The following RAD54B variants were observed in gnomAD, a reference collection of about 807,000 sequenced individuals.
RAD54B encodes RAD54 homolog B.
In RAD54B, 78 loss-of-function variants were observed where a neutral mutation model predicts 95.8. That is an observed-to-expected ratio of 0.81 (90% CI 0.68 to 0.98). The LOEUF is 0.98. Ranked by LOEUF, RAD54B falls within the 50% of genes least tolerant of loss-of-function variation. The probability of loss-of-function intolerance (pLI) is 0.00; values close to 1 mark genes in which losing one functional copy is unlikely to be tolerated. For missense variants in RAD54B, 957 were observed against 1,056.6 expected (o/e 0.91, Z 1.31); for synonymous variants, 328 against 354.9 (o/e 0.92, Z 0.85).
At chr8:94,433,209 T>C (rs544089222) in intron 3 of RAD54B, among the ~76,000 whole-genome samples, 1 of 152,262 alleles carries the variant, frequency 6.6e-6, no homozygotes, top group African/African-American at 2.4e-5. Context: ...CTTTGGGATA[T>C]GCTCAACTAC....
intron 3 of RAD54B, among the ~76,000 whole-genome samples, chr8:94,435,664 T>C (rs1389921447): frequency 6.6e-6 from 1 of 152,064 alleles, no homozygotes; most frequent in Non-Finnish European, 1.5e-5. Flanking sequence ...CCAAGGCAAA[T>C]AGTTACATAG....
intron 1 of RAD54B, among the ~76,000 whole-genome samples, chr8:94,469,280 G>A (rs937334489): frequency 6.6e-6 from 1 of 152,114 alleles, no homozygotes; most frequent in African/African-American, 2.4e-5. Context: ...CAAGGGCAGG[G>A]CCTATTCTCG....
intron 3 of RAD54B, 64 bp downstream of exon 3, chr8:94,458,204 C>A (rs1812819998): frequency 7.4e-7 from 1 of 1,358,906 alleles, no homozygotes; most frequent in Non-Finnish European, 9.9e-7. Flanking sequence ...CTTAAAACAT[C>A]ATTTAAAGAA....
In RAD54B at chr8:94,425,830, C is replaced by A. The variant is rs912039344; in HGVS notation, c.305-14515G>T. On this transcript the variant is annotated intron_variant, in intron 3 of 14. Transcript: ENST00000336148. Reference sequence around the variant, plus strand: ...AGTACTAAAATGAAAAAAAAAAAAACCAGTAAACTACAATATTCCCAGATA... The same window carrying A: ...AGTACTAAAATGAAAAAAAAAAAAAACAGTAAACTACAATATTCCCAGATA... Among the ~76,000 whole-genome samples, 21 of 146,178 alleles carry A rather than the reference C, an allele frequency of 1.4e-4. No homozygotes were observed. The South Asian group carries it at 3.5e-3, about 24-fold the overall frequency.
intron 11 of RAD54B, among the ~76,000 whole-genome samples, chr8:94,386,005 G>A (rs1422295195): frequency 6.6e-6 from 1 of 152,132 alleles, no homozygotes; most frequent in African/African-American, 2.4e-5. Flanking sequence ...ACAAGTGGGA[G>A]TCTTCAAATG....
In RAD54B at chr8:94,407,502, AACT is replaced by A. The variant is rs753327323; in HGVS notation, c.715_717del (p.Ser240del). On this transcript the variant is annotated inframe_deletion, in exon 5 of 15. Transcript: ENST00000336148. ...AAATCATTCTGTCTATTTTCCTTTG[AACT>A]TGGTTTACAAACACTTTTGAAAGGG... 7.6e-4 allele frequency: 1,227 copies of A among 1,613,772 alleles called. No individual in the cohort carries two copies. The highest frequency in any genetic ancestry group is 1.0e-3 in the Non-Finnish European group (1,190 of 1,179,864).
chr8:94,404,355 C>A, intron 5 of RAD54B, 116 bp from the exon 6 acceptor site: 1 of 1,013,944 alleles, frequency 9.9e-7, no homozygotes, highest in African/African-American at 1.7e-5. Context: ...CCAAAAAAGT[C>A]CAAAATTTAG....
chr8:94,391,899 C>T lies in RAD54B; in HGVS notation c.1519G>A (p.Glu507Lys). The T allele has an allele frequency of 6.3e-7, 1 of 1,592,596 alleles. No homozygotes were observed. Among genetic ancestry groups the T allele is most frequent in the South Asian group, 1.2e-5 (1 of 86,302 alleles). Reference sequence around the variant, plus strand: ...CTTCTTTCTCCTAACTCCTTTTCTTCCTATGGAAAAATAGCAGACTTAAAT... The same window carrying T: ...CTTCTTTCTCCTAACTCCTTTTCTTTCTATGGAAAAATAGCAGACTTAAAT... Reference protein sequence around the residue: ...ILSREPSASEEEKELGERRAA... With the variant: ...ILSREPSASEKEKELGERRAA... The change falls in exon 10 of 15, where the codon GAA becomes AAA. Residue 507 changes from glutamate (E) to lysine (K), a missense_variant and splice_region_variant. Coordinates refer to ENST00000336148, the MANE Select transcript of RAD54B (RefSeq NM_012415.3).
rs543138628 is a variant in RAD54B at position 94,425,004 on chromosome 8, G to C, written c.305-13689C>G. On this transcript the variant is annotated intron_variant, in intron 3 of 14. Coordinates refer to ENST00000336148, the MANE Select transcript of RAD54B (RefSeq NM_012415.3). ...TTGAGCCCAGGAGGTTGAGGCTCCAGTGAGCTGTGACTGTGCCACTGTACT... is the reference window on the plus strand; with the variant it reads ...TTGAGCCCAGGAGGTTGAGGCTCCACTGAGCTGTGACTGTGCCACTGTACT... Among the ~76,000 whole-genome samples, 12 of 144,638 alleles carry C rather than the reference G, an allele frequency of 8.3e-5. No homozygotes were observed. In the East Asian group the frequency reaches 2.5e-3, roughly 30 times the overall value. 94.9% of individuals were successfully genotyped at this position (144,638 alleles called of 152,430 possible). A position where few individuals can be genotyped will look rare whatever the true frequency, so the allele number is the denominator to read the frequency against.
At chr8:94,460,690 T>C (rs898334830) in intron 2 of RAD54B, among the ~76,000 whole-genome samples, 1 of 152,222 alleles carries the variant, frequency 6.6e-6, no homozygotes, top group African/African-American at 2.4e-5. Context: ...TAGGTCTTAC[T>C]GCATTAAAAT....
At chr8:94,398,105 C>T (rs1211458065) in intron 8 of RAD54B, among the ~76,000 whole-genome samples, 1 of 152,018 alleles carries the variant, frequency 6.6e-6, no homozygotes, top group East Asian at 1.9e-4. Context: ...TTTTCCTATT[C>T]TTTGGTTTCC....
intron 14 of RAD54B, 22 bp downstream of exon 14, chr8:94,378,158 A>G (rs1810643184): frequency 6.5e-7 from 1 of 1,530,504 alleles, no homozygotes; most frequent in African/African-American, 1.4e-5. Context: ...CTACATAGTA[A>G]CAGAATTAAA....
rs893841317 is a variant in RAD54B, at chr8:94,428,017, G to A, written c.305-16702C>T. The A allele has an allele frequency of 1.9e-5, 18 of 932,868 alleles. No individual in the cohort carries two copies. The African/African-American group carries it at 2.3e-4, about 12-fold the overall frequency. 57.8% of individuals were successfully genotyped at this position (932,868 alleles called of 1,614,324 possible). On this transcript the variant is annotated intron_variant, in intron 3 of 14. Transcript: ENST00000336148. The stretch of plus-strand genomic sequence containing the variant: ...GACTATTTTAAGAAATCTGGTATTC[G>A]TTAGAAATGAGTTTCACTGACTTTT...
chr8:94,412,742 A>C (rs1338018265), intron 3 of RAD54B, among the ~76,000 whole-genome samples: 2 of 152,198 alleles, frequency 1.3e-5, no homozygotes. Flanking sequence ...ATAAGGCAAC[A>C]AAAGCATATA....
chr8:94,459,310 A>G (rs1812847198), intron 2 of RAD54B, among the ~76,000 whole-genome samples: 3 of 150,822 alleles, frequency 2.0e-5, no homozygotes, highest in African/African-American at 7.3e-5. Flanking sequence ...GTGCCACCAT[A>G]CCCAGCTAAT....
At chr8:94,436,749 T>C in intron 3 of RAD54B, 5 of 1,550,692 alleles carry the variant, frequency 3.2e-6, no homozygotes, top group Non-Finnish European at 3.5e-6. Flanking sequence ...TATTCTTTTC[T>C]ACTATTACTG....
chr8:94,441,384 CCT>C (rs1361197491), intron 3 of RAD54B, among the ~76,000 whole-genome samples: 1 of 152,150 alleles, frequency 6.6e-6, no homozygotes, highest in Admixed American at 6.5e-5. Flanking sequence ...CCCACAATCC[CCT>C]CTGGGTTCTA....
At chr8:94,449,847 T>C (rs761692434) in intron 3 of RAD54B, among the ~76,000 whole-genome samples, 13 of 152,176 alleles carry the variant, frequency 8.5e-5, no homozygotes, top group Non-Finnish European at 1.8e-4. Flanking sequence ...TCCCAGTGTA[T>C]AGGTTTCCTC....
intron 1 of RAD54B, among the ~76,000 whole-genome samples, chr8:94,469,568 T>C (rs561803428): frequency 9.2e-5 from 14 of 152,364 alleles, no homozygotes; most frequent in African/African-American, 2.9e-4. Flanking sequence ...ACTATAAGCA[T>C]GATATCTTCT....
Sources: allele counts gnomAD v4.1 joint callset (sites outside exome capture counted in the v4.1 genomes callset), GRCh38; gene constraint gnomAD v4.1.1; transcripts MANE v1.5; gene names NCBI Gene and HGNC (gene_info 2026-07-23, HGNC 2026-07-21).